CDH2: variants seen among roughly 807,000 people sequenced by gnomAD.
The protein encoded by CDH2 is cadherin 2.
Under a neutral mutation model 92.0 loss-of-function variants are expected in CDH2, and 17 were observed. The observed-to-expected ratio is 0.18, with a 90% CI of 0.13 to 0.28. CDH2 has a LOEUF of 0.28. Ranked by LOEUF, CDH2 falls within the 10% of genes least tolerant of loss-of-function variation. The pLI is 1.00. For missense variants in CDH2, 862 were observed against 1,133.1 expected, an observed-to-expected ratio of 0.76 and a Z score of 3.44; for synonymous variants, 419 against 415.9, an observed-to-expected ratio of 1.01 and a Z score of -0.09.
intron 14 of CDH2, among the ~76,000 whole-genome samples, chr18:27,977,604 C>G (rs936212803): frequency 6.6e-6 from 1 of 152,040 alleles, no homozygotes; most frequent in African/African-American, 2.4e-5. Flanking sequence ...CAGTTTCAGG[C>G]TAATTTTCTG....
chr18:27,963,670 T>G (rs2011467218), intron 14 of CDH2, 149 bp from the exon 15 acceptor site: 3 of 624,012 alleles, frequency 4.8e-6, no homozygotes, highest in Non-Finnish European at 8.4e-6. Context: ...TTTCATGTTA[T>G]GATTAAATAT....
rs183906280 is a variant in CDH2 at position 28,113,160 on chromosome 18, A to T, written c.172+34513T>A. ...CAGTGGAAGTATGAGGTAAGCTGCAAGTGTAATTTGAAAGTTTCCAGCAGC... is the reference window on the plus strand; with the variant it reads ...CAGTGGAAGTATGAGGTAAGCTGCATGTGTAATTTGAAAGTTTCCAGCAGC... On this transcript the variant is annotated intron_variant, in intron 2 of 15. Coordinates refer to ENST00000269141, the MANE Select transcript of CDH2 (RefSeq NM_001792.5). Among the ~76,000 whole-genome samples, 607 of 152,308 alleles carry T rather than the reference A, an allele frequency of 4.0e-3. 7 individuals carry two copies. The highest frequency in any genetic ancestry group is 0.014 in the African/African-American group (588 of 41,558).
At position 28,160,330 on chromosome 18, in the gene CDH2, G is replaced by C. The variant is rs530586233; in HGVS notation, c.61-12546C>G. On this transcript the variant is annotated intron_variant, in intron 1 of 15. Coordinates refer to ENST00000269141, the MANE Select transcript of CDH2 (RefSeq NM_001792.5). ...TTGGCCTTGGCAATGGTCTAAGGTAGCTCAGGACTCTGGAAGTGCTGAGGG... is the reference window on the plus strand; with the variant it reads ...TTGGCCTTGGCAATGGTCTAAGGTACCTCAGGACTCTGGAAGTGCTGAGGG... Among the ~76,000 whole-genome samples the C allele has an allele frequency of 5.9e-5, 9 of 152,226 alleles. No homozygotes were observed. The East Asian group carries it at 1.7e-3, about 30-fold the overall frequency.
chr18:28,144,405 T>C (rs1463503374), intron 2 of CDH2, among the ~76,000 whole-genome samples: 6 of 151,856 alleles, frequency 4.0e-5, no homozygotes, highest in Non-Finnish European at 5.9e-5. Flanking sequence ...AAAATGACAA[T>C]ATATTATGAA....
intron 2 of CDH2, among the ~76,000 whole-genome samples, chr18:28,049,425 G>A (rs2014145796): frequency 6.6e-6 from 1 of 152,112 alleles, no homozygotes; most frequent in African/African-American, 2.4e-5. Flanking sequence ...ACACAGAGAC[G>A]AAATGAACAG....
intron 2 of CDH2, chr18:28,146,758 T>G (rs2144325484): frequency 6.6e-6 from 1 of 152,224 alleles, no homozygotes; most frequent in South Asian, 2.1e-4. Flanking sequence ...GGTAGAGCTC[T>G]GTGTAAATTA....
intron 2 of CDH2, among the ~76,000 whole-genome samples, chr18:28,115,468 T>C (rs1408340765): frequency 6.6e-6 from 1 of 152,126 alleles, no homozygotes; most frequent in East Asian, 1.9e-4. Context: ...CCCTAAGGAT[T>C]ATCAAACATG....
At chr18:28,095,850 C>T (rs2015126150) in intron 2 of CDH2, among the ~76,000 whole-genome samples, 1 of 142,942 alleles carries the variant, frequency 7.0e-6, no homozygotes, top group African/African-American at 2.6e-5. Context: ...TTACCACATA[C>T]TAATGACTAA....
rs1247759762 is a variant in CDH2 at position 27,988,593 on chromosome 18, C to T, written c.1672G>A (p.Val558Ile). Residue 558 changes from valine (V) to isoleucine (I), a missense_variant, in exon 11 of 16, where the codon GTT becomes ATT. Transcript: ENST00000269141. ...ACATTTGGTGATTCTCGGTCCAAAA[C>T]AGCAATTGTAGTTATTTGTCCATTC... ...PVNGQITTIA[V>I]LDRESPNVKN... 2.5e-6 allele frequency: 4 copies of T among 1,610,816 alleles called. No homozygotes were observed. Among genetic ancestry groups the T allele is most frequent in the African/African-American group, 2.7e-5 (2 of 74,864 alleles).
intron 2 of CDH2, among the ~76,000 whole-genome samples, chr18:28,058,520 A>G (rs1209845713): frequency 6.6e-6 from 1 of 152,254 alleles, no homozygotes; most frequent in East Asian, 1.9e-4. Context: ...CCCTAGGAAC[A>G]GATGACATTT....
At position 27,990,243 on chromosome 18, in the gene CDH2, C is replaced by T; in HGVS notation, c.1452G>A (p.Val484=). The change falls in exon 10 of 16, where the codon GTG becomes GTA. Residue 484 remains valine (V), a synonymous_variant. Coordinates refer to ENST00000269141, the MANE Select transcript of CDH2 (RefSeq NM_001792.5). ...IQHPPQSTAT[V]SVTVIDVNEN... ...CATTTACGTCAATAACTGTAACAGA[C>T]ACGGTTGCAGTTGACTGAGGGGGGT... 1 of 1,614,036 alleles carries T rather than the reference C, an allele frequency of 6.2e-7. No individual in the cohort carries two copies. Among genetic ancestry groups the T allele is most frequent in the Non-Finnish European group, 8.5e-7 (1 of 1,179,912 alleles).
intron 2 of CDH2, among the ~76,000 whole-genome samples, chr18:28,085,396 T>C (rs1056506854): frequency 1.3e-5 from 2 of 152,074 alleles, no homozygotes; most frequent in African/African-American, 2.4e-5. Flanking sequence ...TGCATTCTAC[T>C]TGTTCACCTG....
At chr18:27,964,103 T>C (rs2011479518) in intron 14 of CDH2, among the ~76,000 whole-genome samples, 1 of 152,178 alleles carries the variant, frequency 6.6e-6, no homozygotes. Context: ...AAAAATGTGC[T>C]ACAGGGAATA....
At chr18:28,101,698 C>T (rs1451351790) in intron 2 of CDH2, among the ~76,000 whole-genome samples, 7 of 152,086 alleles carry the variant, frequency 4.6e-5, no homozygotes. Context: ...GAAGTACAAG[C>T]ATAAACTTTT....
chr18:28,009,389 G>A (rs2013031192), intron 5 of CDH2, among the ~76,000 whole-genome samples: 1 of 152,110 alleles, frequency 6.6e-6, no homozygotes, highest in Admixed American at 6.5e-5. Flanking sequence ...TATTTTACAT[G>A]TAACAGATTT....
At chr18:27,978,728 C>T (rs1377826754) in intron 14 of CDH2, among the ~76,000 whole-genome samples, 10 of 152,098 alleles carry the variant, frequency 6.6e-5, no homozygotes, top group Admixed American at 6.5e-4. Flanking sequence ...TCACAGCTCA[C>T]TGCGGCCTCG....
At chr18:27,985,335 A>G (rs1487005835) in intron 12 of CDH2, 102 bp from the exon 13 acceptor site, 2 of 803,916 alleles carry the variant, frequency 2.5e-6, no homozygotes, top group Non-Finnish European at 4.0e-6. Flanking sequence ...TAGTACACAT[A>G]AAGCGGATTA....
chr18:28,173,588 G>A (rs28365327), intron 1 of CDH2, among the ~76,000 whole-genome samples: 73,922 of 151,816 alleles, frequency 0.49, 19,818 homozygotes, highest in Middle Eastern at 0.73. Flanking sequence ...AACACATAAG[G>A]TTTATCCATC....
At chr18:28,015,433 A>G (rs1333655710) in intron 2 of CDH2, among the ~76,000 whole-genome samples, 2 of 152,178 alleles carry the variant, frequency 1.3e-5, no homozygotes, top group Admixed American at 1.3e-4. Context: ...TCCATGCCCC[A>G]TGATTTAAAA....
Sources: gnomAD v4.1 joint callset for allele counts (sites outside exome capture counted in the v4.1 genomes callset) on GRCh38, gnomAD v4.1.1 for gene constraint, MANE v1.5 for transcripts, NCBI Gene and HGNC (gene_info 2026-07-23, HGNC 2026-07-21) for gene names.